TSPEAR: variants seen among roughly 807,000 people sequenced by gnomAD.
The protein encoded by TSPEAR is thrombospondin type laminin G domain and EAR repeats, also known as thrombospondin-type laminin G domain and EAR repeat-containing protein.
Under a neutral mutation model 71.6 loss-of-function variants are expected in TSPEAR, and 69 were observed. The ratio of observed to expected loss-of-function variants is 0.96; its 90% CI spans 0.79 to 1.18. The LOEUF is 1.18. TSPEAR is among the 50% of genes most tolerant of loss of function. The pLI, the probability that TSPEAR is intolerant of heterozygous loss-of-function variation, is 0.00. For synonymous variants in TSPEAR, 402 were observed against 387.2 expected (o/e 1.04, Z -0.45); for missense variants, 971 against 894.9 (o/e 1.09, Z -1.09).
intron 10 of TSPEAR, chr21:44,508,717 G>A: frequency 8.1e-7 from 1 of 1,234,866 alleles, no homozygotes; most frequent in South Asian, 1.4e-5. Context: ...TCTCACATCT[G>A]TCTCAACAGG....
At chr21:44,561,788 T>A (rs587691712) in intron 2 of TSPEAR, among the ~76,000 whole-genome samples, 2 of 152,338 alleles carry the variant, frequency 1.3e-5, no homozygotes, top group East Asian at 1.9e-4. Context: ...CATCCCTTCA[T>A]GTTAAAAACT....
In TSPEAR at chr21:44,637,484, C is replaced by T. The variant is rs1412675546; in HGVS notation, c.83-69479G>A. ...TGACTCTTGGCGGGTAGTCGACTGC[C>T]CAGAGAGCTGCTGCGAGCCCTGCTG... On this transcript the variant is annotated intron_variant, in intron 1 of 11. Transcript: ENST00000323084. The T allele has an allele frequency of 2.5e-6, 4 of 1,613,318 alleles. No individual in the cohort carries two copies. The highest frequency in any genetic ancestry group is 2.2e-5 in the East Asian group (1 of 44,876).
intron 1 of TSPEAR, among the ~76,000 whole-genome samples, chr21:44,670,927 T>C (rs1190289576): frequency 3.9e-5 from 6 of 152,202 alleles, no homozygotes; most frequent in African/African-American, 1.2e-4. Context: ...CAGGGGTTCA[T>C]GAACTTGCAT....
chr21:44,580,421 T>A (rs781908093), intron 1 of TSPEAR: 11 of 1,612,826 alleles, frequency 6.8e-6, no homozygotes, highest in Non-Finnish European at 9.3e-6. Context: ...ACAGGCCGCC[T>A]GGCAGCAGGG....
intron 1 of TSPEAR, chr21:44,573,712 T>A: frequency 3.2e-6 from 5 of 1,586,608 alleles, no homozygotes; most frequent in Non-Finnish European, 4.3e-6. Context: ...GCTCACCCAC[T>A]CCCTCCCATC....
chr21:44,526,912 C>A (rs1204646603), intron 7 of TSPEAR, among the ~76,000 whole-genome samples: 1 of 152,212 alleles, frequency 6.6e-6, no homozygotes. Context: ...CACGTGTCCT[C>A]AACATTTGAG....
At chr21:44,672,584 AG>A (rs1350272319) in intron 1 of TSPEAR, among the ~76,000 whole-genome samples, 5 of 149,448 alleles carry the variant, frequency 3.3e-5, no homozygotes, top group African/African-American at 1.2e-4. Flanking sequence ...CAAAAAAAAA[AG>A]AAAACCTATT....
rs140360935 is a variant in TSPEAR at position 44,566,753 on chromosome 21, T to C, written c.303+1032A>G. ...ATTTCTCACAAGGTTGTCAAGACCA[T>C]TCAATGAGGAAAAAATAATCTCCTT... On this transcript the variant is annotated intron_variant, in intron 2 of 11. Transcript: ENST00000323084. Among the ~76,000 whole-genome samples, 44 of 152,272 alleles carry C rather than the reference T, an allele frequency of 2.9e-4. 1 individual carries two copies. Among genetic ancestry groups the C allele is most frequent in the African/African-American group, 8.9e-4 (37 of 41,570 alleles).
At chr21:44,638,981 C>T (rs1983854255) in intron 1 of TSPEAR, among the ~76,000 whole-genome samples, 1 of 152,074 alleles carries the variant, frequency 6.6e-6, no homozygotes, top group Non-Finnish European at 1.5e-5. Flanking sequence ...ACCACGCCCT[C>T]CCCCAGGACT....
chr21:44,604,966 T>C (rs1183193748), intron 1 of TSPEAR, among the ~76,000 whole-genome samples: 6 of 152,224 alleles, frequency 3.9e-5, no homozygotes, highest in African/African-American at 1.4e-4. Flanking sequence ...CTTTTTAATG[T>C]GCTGTTGAAT....
At chr21:44,528,098 C>T (rs1020477473) in intron 6 of TSPEAR, among the ~76,000 whole-genome samples, 5 of 152,164 alleles carry the variant, frequency 3.3e-5, no homozygotes, top group Admixed American at 1.3e-4. Flanking sequence ...AGGGGTACCA[C>T]GCGATGCCCA....
chr21:44,580,683 G>C, intron 1 of TSPEAR: 1 of 1,221,522 alleles, frequency 8.2e-7, no homozygotes, highest in Admixed American at 2.2e-5. Context: ...CAGGGCTGTG[G>C]GGCTTTTAAA....
At chr21:44,660,292 G>T (rs782528561) in intron 1 of TSPEAR, among the ~76,000 whole-genome samples, 1 of 152,094 alleles carries the variant, frequency 6.6e-6, no homozygotes, top group Non-Finnish European at 1.5e-5. Context: ...CCCCAAATTG[G>T]GTAACTATAT....
chr21:44,549,457 C>T (rs910708168), intron 2 of TSPEAR, among the ~76,000 whole-genome samples: 5 of 152,168 alleles, frequency 3.3e-5, no homozygotes, highest in African/African-American at 4.8e-5. Context: ...CACTTTGGAA[C>T]GCTGTACACC....
intron 9 of TSPEAR, among the ~76,000 whole-genome samples, chr21:44,514,344 T>C (rs1473922414): frequency 6.6e-6 from 1 of 152,200 alleles, no homozygotes; most frequent in Non-Finnish European, 1.5e-5. Context: ...CCTCTTGCCC[T>C]TCCATGGCCA....
At chr21:44,684,263 C>T (rs1986754537) in intron 1 of TSPEAR, among the ~76,000 whole-genome samples, 1 of 152,202 alleles carries the variant, frequency 6.6e-6, no homozygotes, top group African/African-American at 2.4e-5. Context: ...GGGCCGGGCA[C>T]TGTGGTTCAC....
chr21:44,637,240 G>C, intron 1 of TSPEAR: 1 of 824,574 alleles, frequency 1.2e-6, no homozygotes, highest in Non-Finnish European at 1.9e-6. Flanking sequence ...GAAATAATGA[G>C]GGTCCTCCCG....
In TSPEAR at chr21:44,710,670, T is replaced by C. The variant is rs1285407384; in HGVS notation, c.82+763A>G. 6.6e-6 allele frequency among the ~76,000 whole-genome samples: 1 copy of C among 152,236 alleles called. No homozygotes were observed. ...CTGAGTGCTGGAGTCACTAATTTAC[T>C]GTCCAGTAACTGAGTTTCTAGCGAC... On this transcript the variant is annotated intron_variant, in intron 1 of 11. Transcript: ENST00000323084. This position sits in a 1 kb window ranked among gnomAD's most constrained non-coding sequence, Gnocchi z 4.6.
intron 1 of TSPEAR, among the ~76,000 whole-genome samples, chr21:44,655,978 T>C (rs1799672318): frequency 6.6e-6 from 1 of 152,118 alleles, no homozygotes; most frequent in Non-Finnish European, 1.5e-5. Flanking sequence ...AAGTGGGGTC[T>C]CAGAGCTGTG....
Sources: allele counts gnomAD v4.1 joint callset (sites outside exome capture counted in the v4.1 genomes callset), GRCh38; gene constraint gnomAD v4.1.1; non-coding constraint Gnocchi (gnomAD v3.1); transcripts MANE v1.5; gene names NCBI Gene and HGNC (gene_info 2026-07-23, HGNC 2026-07-21).